SESN3: variants seen among roughly 807,000 people sequenced by gnomAD.
SESN3 encodes the protein sestrin-3.
SESN3 carries 21 observed loss-of-function variants against 55.3 expected under a neutral mutation model. The observed-to-expected ratio is 0.38, with a 90% CI of 0.27 to 0.55. SESN3 has a LOEUF of 0.55. SESN3 is among the 20% of genes least tolerant of loss of function. The pLI is 0.76. For missense variants in SESN3, 408 were observed against 604.3 expected (o/e 0.68, Z 3.41); for synonymous variants, 181 against 203.1 (o/e 0.89, Z 0.93).
chr11:95,186,174 TTC>T (rs547836619), intron 4 of SESN3, among the ~76,000 whole-genome samples: 2 of 107,716 alleles, frequency 1.9e-5, no homozygotes, highest in South Asian at 3.0e-4. Context: ...TTCTCTCCCT[TTC>T]TCTCTCTCTA....
At position 95,173,323 on chromosome 11, in the gene SESN3, A is replaced by G; in HGVS notation, c.1411T>C (p.Leu471=). ...TCAGCTTGCATTCGTGCTTCCATTA[A>G]AAGTAGATTGACATGAACCTAGAAG... ...HSEKVHVNLL[L]MEARMQAELL... The change falls in exon 10 of 10, where the codon TTA becomes CTA. Residue 471 remains leucine (L), a synonymous_variant. Coordinates refer to ENST00000536441, the MANE Select transcript of SESN3 (RefSeq NM_144665.4). The G allele has an allele frequency of 1.3e-6, 2 of 1,596,918 alleles. No homozygotes were observed. Among genetic ancestry groups the G allele is most frequent in the South Asian group, 1.1e-5 (1 of 90,166 alleles).
At chr11:95,220,812 T>G (rs1257492204) in intron 1 of SESN3, among the ~76,000 whole-genome samples, 1 of 152,228 alleles carries the variant, frequency 6.6e-6, no homozygotes, top group African/African-American at 2.4e-5. Flanking sequence ...TGTCACTTAC[T>G]GGTAATATAA....
rs1425080940 is a variant in SESN3, at chr11:95,231,147, G to A, written c.-287C>T. 4.6e-5 allele frequency: 19 copies of A among 415,024 alleles called. No individual in the cohort carries two copies. The highest frequency in any genetic ancestry group is 1.9e-4 in the African/African-American group (9 of 47,272). 25.7% of individuals were successfully genotyped at this position (415,024 alleles called of 1,614,324 possible). A position where few individuals can be genotyped will look rare whatever the true frequency, so the allele number is the denominator to read the frequency against. On this transcript the variant is annotated 5_prime_UTR_variant, in exon 1 of 10. Coordinates refer to ENST00000536441, the MANE Select transcript of SESN3 (RefSeq NM_144665.4). The stretch of plus-strand genomic sequence containing the variant: ...CAGACCCCCGCCCCCGCCAGGCTAG[G>A]ACGAGCAGCCGCCACCGCTGCCACC...
chr11:95,213,939 A>G lies in SESN3; in HGVS notation c.78+16844T>C, dbSNP rs540392040. ...AAAAAGTCCTATGTAAAAAAGAAAA[A>G]AGAAAAAAAGATAAAAGTTCTGCTA... On this transcript the variant is annotated intron_variant, in intron 1 of 9. Transcript: ENST00000536441. Among the ~76,000 whole-genome samples, 8 of 152,326 alleles carry G rather than the reference A, an allele frequency of 5.3e-5. No homozygotes were observed. The South Asian group carries it at 8.3e-4, about 16-fold the overall frequency.
At chr11:95,228,021 G>C (rs1860979819) in intron 1 of SESN3, among the ~76,000 whole-genome samples, 1 of 152,072 alleles carries the variant, frequency 6.6e-6, no homozygotes, top group Non-Finnish European at 1.5e-5. Context: ...TATGGATATG[G>C]TTTACCTCTC....
At chr11:95,182,124 C>G (rs774912843) in intron 6 of SESN3, 1 of 324,048 alleles carries the variant, frequency 3.1e-6, no homozygotes, top group South Asian at 2.6e-5. Flanking sequence ...CTTAAAGTTC[C>G]AAGAAGGTAG....
intron 1 of SESN3, among the ~76,000 whole-genome samples, chr11:95,198,565 TC>T (rs1477643667): frequency 6.6e-6 from 1 of 152,200 alleles, no homozygotes. Flanking sequence ...TAGTCAAAGA[TC>T]TAGTGAATCT....
intron 1 of SESN3, among the ~76,000 whole-genome samples, chr11:95,219,952 C>A (rs1007419024): frequency 2.4e-4 from 36 of 152,080 alleles, no homozygotes; most frequent in Admixed American, 2.4e-3. Flanking sequence ...TGGAACTTAA[C>A]CACATATCTT....
rs1429714273 is a variant in SESN3, at chr11:95,189,968, C to T, written c.343-7G>A. ...ACTGATGTCTAGCTGCAGCCTAAAGCACAAAGAAAAAAATTCATTGATAAA... is the reference window on the plus strand; with the variant it reads ...ACTGATGTCTAGCTGCAGCCTAAAGTACAAAGAAAAAAATTCATTGATAAA... On this transcript the variant is annotated splice_region_variant and splice_polypyrimidine_tract_variant and intron_variant, in intron 3 of 9. Transcript: ENST00000536441. The T allele has an allele frequency of 6.4e-7, 1 of 1,570,250 alleles. No homozygotes were observed. Among genetic ancestry groups the T allele is most frequent in the East Asian group, 2.3e-5 (1 of 43,580 alleles).
rs186097136 is a variant in SESN3 at position 95,185,756 on chromosome 11, A to C, written c.526-264T>G. ...TCTGCTTCCAAATCATTTTTTATAT[A>C]GTATGCTATTTTAATGAAATACTTT... On this transcript the variant is annotated intron_variant, in intron 4 of 9. Transcript: ENST00000536441. Among the ~76,000 whole-genome samples, 504 of 152,142 alleles carry C rather than the reference A, an allele frequency of 3.3e-3. 3 individuals carry two copies. The highest frequency in any genetic ancestry group is 0.012 in the African/African-American group (483 of 41,538).
At chr11:95,177,243 T>A (rs889246818) in intron 8 of SESN3, among the ~76,000 whole-genome samples, 4 of 152,166 alleles carry the variant, frequency 2.6e-5, no homozygotes, top group Non-Finnish European at 5.9e-5. Context: ...GCTGATATAT[T>A]TAATTTCAGT....
intron 1 of SESN3, among the ~76,000 whole-genome samples, chr11:95,215,004 T>C (rs1565474210): frequency 6.6e-6 from 1 of 152,216 alleles, no homozygotes; most frequent in African/African-American, 2.4e-5. Flanking sequence ...AGGTCTCAAA[T>C]CTGCATTTTG....
chr11:95,179,041 C>T (rs960559143), intron 6 of SESN3, among the ~76,000 whole-genome samples: 4 of 152,088 alleles, frequency 2.6e-5, no homozygotes, highest in African/African-American at 9.7e-5. Flanking sequence ...ACTAGTTTTC[C>T]TAACTGTTAG....
chr11:95,231,237 C>T (rs2134279412), upstream of SESN3: 1 of 402,776 alleles, frequency 2.5e-6, no homozygotes, highest in Non-Finnish European at 4.4e-6. Context: ...CCTTCACCAC[C>T]TCCACGCTCC....
At position 95,184,487 on chromosome 11, in the gene SESN3, A is replaced by G; in HGVS notation, c.870T>C (p.Phe290=). The G allele has an allele frequency of 6.2e-7, 1 of 1,613,698 alleles. No individual in the cohort carries two copies. Among genetic ancestry groups the G allele is most frequent in the Non-Finnish European group, 8.5e-7 (1 of 1,179,780 alleles). Reference sequence around the variant, plus strand: ...AAAGACTTTCTTTCTTCTCCTTTTCAAAACGAGTGCTCATTTCTTCTTGAG... The same window carrying G: ...AAAGACTTTCTTTCTTCTCCTTTTCGAAACGAGTGCTCATTTCTTCTTGAG... ...EASQEEMSTR[F]EKEKKESLFV... Residue 290 remains phenylalanine, a synonymous_variant, in exon 6 of 10, where the codon TTT becomes TTC. Transcript: ENST00000536441.
intron 1 of SESN3, among the ~76,000 whole-genome samples, chr11:95,221,289 G>A (rs913096321): frequency 2.0e-5 from 3 of 151,752 alleles, no homozygotes; most frequent in African/African-American, 7.3e-5. Context: ...GGGTGACAGA[G>A]TGAGACTCCA....
At chr11:95,223,856 A>C (rs1461694021) in intron 1 of SESN3, among the ~76,000 whole-genome samples, 3 of 152,228 alleles carry the variant, frequency 2.0e-5, no homozygotes, top group Non-Finnish European at 2.9e-5. Context: ...GGGACCCCAA[A>C]GAGCCTTTGT....
At chr11:95,205,117 G>T (rs1860524910) in intron 1 of SESN3, among the ~76,000 whole-genome samples, 1 of 152,074 alleles carries the variant, frequency 6.6e-6, no homozygotes, top group African/African-American at 2.4e-5. Context: ...CCAGTAAAAA[G>T]AAATATAAAA....
At position 95,230,503 on chromosome 11, in the gene SESN3, A is replaced by C; in HGVS notation, c.78+280T>G. On this transcript the variant is annotated intron_variant, in intron 1 of 9. Transcript: ENST00000536441. This position sits in a 1 kb window ranked among gnomAD's most constrained non-coding sequence, Gnocchi z 4.6. ...CCGACCCGGGGTAGCAAGGTAGGGAAATGAGCCGTAAAGGAGAGCAAAGGC... is the reference window on the plus strand; with the variant it reads ...CCGACCCGGGGTAGCAAGGTAGGGACATGAGCCGTAAAGGAGAGCAAAGGC... 1 of 386,332 alleles carries C rather than the reference A, an allele frequency of 2.6e-6. No homozygotes were observed. The highest frequency in any genetic ancestry group is 4.7e-6 in the Non-Finnish European group (1 of 213,922). 23.9% of individuals were successfully genotyped at this position (386,332 alleles called of 1,614,324 possible). A position where few individuals can be genotyped will look rare whatever the true frequency, so the allele number is the denominator to read the frequency against.
Sources: gnomAD v4.1 joint callset for allele counts (sites outside exome capture counted in the v4.1 genomes callset) on GRCh38, gnomAD v4.1.1 for gene constraint, Gnocchi (gnomAD v3.1) non-coding constraint, MANE v1.5 for transcripts, NCBI Gene and HGNC (gene_info 2026-07-23, HGNC 2026-07-21) for gene names.